Variants in SUMF1 observed in about 807,000 individuals in gnomAD.
SUMF1 encodes the protein sulfatase modifying factor 1, also known as formylglycine-generating enzyme.
SUMF1 carries 48 observed loss-of-function variants against 47.6 expected under a neutral mutation model. The ratio of observed to expected loss-of-function variants is 1.01; its 90% CI spans 0.80 to 1.28. The LOEUF (loss-of-function observed/expected upper bound fraction) is 1.28, where lower values mean the gene tolerates loss of function less well. Ranked by LOEUF, SUMF1 falls within the 50% of genes most tolerant of loss-of-function variation. SUMF1 has a pLI of 0.00. For missense variants in SUMF1, 571 were observed against 485.4 expected, an observed-to-expected ratio of 1.18 and a Z score of -1.66; for synonymous variants, 230 against 192.1, an observed-to-expected ratio of 1.20 and a Z score of -1.63.
At chr3:4,345,875 G>C (rs936860177) in intron 8 of SUMF1, among the ~76,000 whole-genome samples, 1 of 151,946 alleles carries the variant, frequency 6.6e-6, no homozygotes, top group East Asian at 1.9e-4. Context: ...AAAAAAGCAG[G>C]GGTTGCAATC....
intron 8 of SUMF1, among the ~76,000 whole-genome samples, chr3:4,069,940 A>T (rs914798021): frequency 6.6e-6 from 1 of 152,188 alleles, no homozygotes; most frequent in African/African-American, 2.4e-5. Flanking sequence ...GAGATAATCA[A>T]CTAAGAGCCA....
Position 4,219,813 on chromosome 3 carries a change from T to C in SUMF1, c.1015-151068A>G, listed in dbSNP as rs181577668. Among the ~76,000 whole-genome samples the C allele has an allele frequency of 2.0e-5, 3 of 152,264 alleles. No homozygotes were observed. The East Asian group carries it at 5.8e-4, about 29-fold the overall frequency. ...ATCTTTTGGGGGTGTGTTTAGGAAT[T>C]TGCATTTTTAACAAGCTCTCCCAAG... On this transcript the variant is annotated intron_variant and NMD_transcript_variant, in intron 8 of 12. Coordinates refer to the SUMF1 transcript ENST00000448413.
rs78984640 is a variant in SUMF1, at chr3:4,049,290, A to G, written c.1191+19279T>C. On this transcript the variant is annotated intron_variant and NMD_transcript_variant, in intron 9 of 12. Coordinates refer to the SUMF1 transcript ENST00000448413. The stretch of plus-strand genomic sequence containing the variant: ...AGGCAAATAATTCAATAGCTCTCAC[A>G]GCTTTTACTGGAGGTAATGCTGTAT... 7.7e-3 allele frequency among the ~76,000 whole-genome samples: 1,174 copies of G among 152,242 alleles called. 19 individuals are homozygous for G. The highest frequency in any genetic ancestry group is 0.026 in the African/African-American group (1,072 of 41,560).
Position 4,456,175 on chromosome 3 carries a change from T to C in SUMF1, c.271-3126A>G, listed in dbSNP as rs115006670. ...ATTGATAAAATTCAACATCTTTTCA[T>C]GAGAAAAACTCTTGACAAGTTAGGC... On this transcript the variant is annotated intron_variant, in intron 1 of 8. Coordinates refer to ENST00000272902, the MANE Select transcript of SUMF1 (RefSeq NM_182760.4). Among the ~76,000 whole-genome samples, 1,163 of 152,260 alleles carry C rather than the reference T, an allele frequency of 7.6e-3. 19 individuals are homozygous for C. Among genetic ancestry groups the C allele is most frequent in the African/African-American group, 0.026 (1,086 of 41,560 alleles).
At chr3:4,205,280 C>T (rs1695626795) in intron 8 of SUMF1, among the ~76,000 whole-genome samples, 1 of 152,276 alleles carries the variant, frequency 6.6e-6, no homozygotes, top group African/African-American at 2.4e-5. Flanking sequence ...AACATTGCTC[C>T]AAACTCCACC....
At chr3:4,272,545 CAGCAGACCTGGAAGCGGGAGG>C (rs1208175728) in intron 8 of SUMF1, among the ~76,000 whole-genome samples, 38 of 152,172 alleles carry the variant, frequency 2.5e-4, no homozygotes, top group Non-Finnish European at 4.7e-4. Flanking sequence ...TATCAGGTAG[CAGCAGACCTGGAAGCGGGAGG>C]AGCAGACCTT....
At chr3:4,464,440 G>A (rs965325563) in intron 1 of SUMF1, among the ~76,000 whole-genome samples, 33 of 152,102 alleles carry the variant, frequency 2.2e-4, no homozygotes, top group Non-Finnish European at 2.5e-4. Flanking sequence ...GTGAGAGAGA[G>A]AGAAACACCT....
chr3:4,041,424 C>T (rs1351944), intron 9 of SUMF1, among the ~76,000 whole-genome samples: 150,037 of 152,256 alleles, frequency 0.99, 73,967 homozygotes, highest in Middle Eastern at 1. Context: ...TTCCCTTTCA[C>T]GTTCACCTGA....
chr3:4,265,770 T>C (rs1170189412), intron 8 of SUMF1, among the ~76,000 whole-genome samples: 3 of 152,218 alleles, frequency 2.0e-5, no homozygotes, highest in Non-Finnish European at 2.9e-5. Context: ...TTTGTTGCCA[T>C]TGCTTTTAGT....
chr3:4,035,912 T>C (rs923784044), intron 9 of SUMF1, among the ~76,000 whole-genome samples: 2 of 151,984 alleles, frequency 1.3e-5, no homozygotes, highest in Non-Finnish European at 2.9e-5. Flanking sequence ...AGGGGGTGAG[T>C]GGACAGGGTT....
At chr3:4,156,570 T>C (rs1694456815) in intron 8 of SUMF1, among the ~76,000 whole-genome samples, 1 of 151,616 alleles carries the variant, frequency 6.6e-6, no homozygotes, top group Non-Finnish European at 1.5e-5. Context: ...CACTTCTACC[T>C]TGTCACCAAG....
chr3:4,195,140 T>A (rs934330621), intron 8 of SUMF1, among the ~76,000 whole-genome samples: 17 of 152,102 alleles, frequency 1.1e-4, no homozygotes, highest in Non-Finnish European at 1.9e-4. Context: ...CATTTAGGAA[T>A]AATAACAAGT....
At position 4,452,725 on chromosome 3, in the gene SUMF1, G is replaced by A. The variant is rs113580781; in HGVS notation, c.444+151C>T. ...AACCTGCCTCATGGGGTTGCTGTGA[G>A]AAATTAAGATGAAATATATACAATA... On this transcript the variant is annotated intron_variant, in intron 2 of 8. Coordinates refer to ENST00000272902, the MANE Select transcript of SUMF1 (RefSeq NM_182760.4). 7,159 of 1,020,618 alleles carry A rather than the reference G, an allele frequency of 7.0e-3. 33 individuals are homozygous for A. The highest frequency in any genetic ancestry group is 0.013 in the Middle Eastern group (45 of 3,382). The allele number at this position is 1,020,618 out of a possible 1,614,324, so 63.2% of individuals were successfully genotyped here. A position where few individuals can be genotyped will look rare whatever the true frequency, so the allele number is the denominator to read the frequency against.
chr3:4,159,305 A>T (rs759733955), intron 8 of SUMF1, among the ~76,000 whole-genome samples: 1 of 146,988 alleles, frequency 6.8e-6, no homozygotes, highest in Non-Finnish European at 1.5e-5. Context: ...CATCCATTGC[A>T]TGTTTTTTTT....
intron 8 of SUMF1, among the ~76,000 whole-genome samples, chr3:4,121,354 G>C (rs1024689160): frequency 6.6e-6 from 1 of 152,102 alleles, no homozygotes; most frequent in Admixed American, 6.5e-5. Context: ...TCTTTACTAT[G>C]TACTAGGTTC....
chr3:4,049,686 T>C (rs982697378), intron 9 of SUMF1, among the ~76,000 whole-genome samples: 2 of 152,080 alleles, frequency 1.3e-5, no homozygotes, highest in African/African-American at 4.8e-5. Flanking sequence ...TGTGTTACAG[T>C]GTACTCTTTC....
intron 6 of SUMF1, among the ~76,000 whole-genome samples, chr3:4,411,718 A>C (rs904496519): frequency 2.0e-5 from 3 of 151,902 alleles, no homozygotes; most frequent in Admixed American, 6.6e-5. Flanking sequence ...AAAAAAAAAA[A>C]AAAAACTTTA....
chr3:4,241,733 G>A lies in SUMF1; in HGVS notation c.1014+134597C>T, dbSNP rs556630676. ...AGGGAATTGAGGAAACAGATACCACGAGAAGTGGGTTTAGGAGCAGCAGTT... is the reference window on the plus strand; with the variant it reads ...AGGGAATTGAGGAAACAGATACCACAAGAAGTGGGTTTAGGAGCAGCAGTT... On this transcript the variant is annotated intron_variant and NMD_transcript_variant, in intron 8 of 12. Coordinates refer to the SUMF1 transcript ENST00000448413. Among the ~76,000 whole-genome samples the A allele has an allele frequency of 2.6e-5, 4 of 152,236 alleles. 1 individual carries two copies. The highest frequency in any genetic ancestry group is 7.2e-5 in the African/African-American group (3 of 41,554).
intron 8 of SUMF1, among the ~76,000 whole-genome samples, chr3:4,265,006 G>T (rs1697160278): frequency 6.6e-6 from 1 of 152,024 alleles, no homozygotes; most frequent in Non-Finnish European, 1.5e-5. Context: ...GGTGGCGCAT[G>T]CCTGTAATCC....
Sources: allele counts gnomAD v4.1 joint callset (sites outside exome capture counted in the v4.1 genomes callset), GRCh38; gene constraint gnomAD v4.1.1; transcripts MANE v1.5; gene names NCBI Gene and HGNC (gene_info 2026-07-23, HGNC 2026-07-21).